Variants in SAE1 observed in about 807,000 individuals in gnomAD.
The protein encoded by SAE1 is SUMO-activating enzyme subunit 1.
A neutral mutation model predicts 40.6 loss-of-function variants in SAE1; 11 were observed. That is an observed-to-expected ratio of 0.27 (90% confidence interval 0.17 to 0.45). SAE1 has a LOEUF of 0.45. Among genes scored for constraint, SAE1 ranks in the 20% least tolerant of loss-of-function variants. SAE1 has a pLI of 1.00. For synonymous variants in SAE1, 155 were observed against 154.3 expected (o/e 1.00, Z -0.03); for missense variants, 373 against 427.3 (o/e 0.87, Z 1.12).
rs1293101346 is a variant in SAE1 at position 47,189,929 on chromosome 19, A to AT, written c.734-7303dup. Among the ~76,000 whole-genome samples the AT allele has an allele frequency of 3.9e-5, 6 of 152,370 alleles. No homozygotes were observed. In the East Asian group the frequency reaches 1.2e-3, roughly 29 times the overall value. On this transcript the variant is annotated intron_variant, in intron 6 of 8. Transcript: ENST00000270225. ...CCCGTTATAGCGCTAACCTGATGTT[A>AT]TGAACTGAGATTAAATTTGAATTTG...
At chr19:47,182,494 TGTGCGCGCACGCACGC>T (rs1054166023) in intron 6 of SAE1, among the ~76,000 whole-genome samples, 23 of 137,398 alleles carry the variant, frequency 1.7e-4, no homozygotes, top group African/African-American at 4.6e-4. Context: ...TGTGTGTGTG[TGTGCGCGCACGCACGC>T]GCGCGCGCAC....
At chr19:47,140,844 A>T (rs1039572359) in intron 1 of SAE1, among the ~76,000 whole-genome samples, 1 of 151,816 alleles carries the variant, frequency 6.6e-6, no homozygotes, top group Admixed American at 6.6e-5. Context: ...GCAGTTGAGT[A>T]TTTAATTTAA....
At chr19:47,131,319 C>T (rs1191193996) in intron 1 of SAE1, among the ~76,000 whole-genome samples, 1 of 151,650 alleles carries the variant, frequency 6.6e-6, no homozygotes, top group Non-Finnish European at 1.5e-5. Flanking sequence ...GGCCCGAAAG[C>T]GGTGATTGTG....
At chr19:47,202,869 C>A (rs1019225240) in intron 7 of SAE1, among the ~76,000 whole-genome samples, 3 of 152,090 alleles carry the variant, frequency 2.0e-5, no homozygotes, top group Non-Finnish European at 4.4e-5. Flanking sequence ...AAGATCGCGC[C>A]ACTGCACTCC....
At chr19:47,173,360 C>A (rs1394956239) in intron 6 of SAE1, among the ~76,000 whole-genome samples, 1 of 152,156 alleles carries the variant, frequency 6.6e-6, no homozygotes, top group African/African-American at 2.4e-5. Context: ...GCTACTGTTT[C>A]TTCCTCAACC....
rs543808907 is a variant in SAE1, at chr19:47,143,651, C to T, written c.210+46C>T. The T allele has an allele frequency of 5.6e-6, 8 of 1,419,102 alleles. No homozygotes were observed. The African/African-American group carries it at 7.0e-5, about 12-fold the overall frequency. The allele number at this position is 1,419,102 out of a possible 1,614,324, so 87.9% of individuals were successfully genotyped here. On this transcript the variant is annotated intron_variant, in intron 2 of 8. Transcript: ENST00000270225. ...TCCTCCCCTGCTCTGGCTCCCCTTT[C>T]CAGCATGAAGATCTGCAGATTTTGT...
At chr19:47,158,182 G>A (rs2058335583) in intron 5 of SAE1, among the ~76,000 whole-genome samples, 1 of 152,122 alleles carries the variant, frequency 6.6e-6, no homozygotes, top group African/African-American at 2.4e-5. Context: ...TTTAACCAAA[G>A]GTTGTAAAGC....
chr19:47,157,637 G>A (rs1288137617), intron 5 of SAE1, among the ~76,000 whole-genome samples: 1 of 152,218 alleles, frequency 6.6e-6, no homozygotes, highest in Admixed American at 6.5e-5. Context: ...GAGAATGTGG[G>A]CAGCCCAGGC....
At chr19:47,201,883 T>C (rs369251904) in intron 7 of SAE1, among the ~76,000 whole-genome samples, 2 of 152,164 alleles carry the variant, frequency 1.3e-5, no homozygotes, top group Admixed American at 6.6e-5. Context: ...TCCACCCGCC[T>C]TGGCCTCCCA....
intron 1 of SAE1, among the ~76,000 whole-genome samples, chr19:47,132,719 T>A (rs2058153822): frequency 6.6e-6 from 1 of 151,686 alleles, no homozygotes; most frequent in Non-Finnish European, 1.5e-5. Context: ...AAACCCAGTC[T>A]CTACAAAAAA....
In SAE1 at chr19:47,143,473, TTAA is replaced by T. The variant is rs1480398532; in HGVS notation, c.99-20_99-18del. The T allele has an allele frequency of 2.5e-6, 4 of 1,576,226 alleles. No homozygotes were observed. Among genetic ancestry groups the T allele is most frequent in the Non-Finnish European group, 3.5e-6 (4 of 1,145,530 alleles). ...AAGCTCACTGTTCTGTATCATCAGG[TTAA>T]CAATGTTTGTCTTACAGGCTGCGGG... On this transcript the variant is annotated intron_variant, in intron 1 of 8. Transcript: ENST00000270225.
chr19:47,185,054 G>A (rs548998797), intron 6 of SAE1, among the ~76,000 whole-genome samples: 60 of 151,136 alleles, frequency 4.0e-4, no homozygotes, highest in Non-Finnish European at 7.2e-4. Flanking sequence ...TCCTGACCTC[G>A]GGTGATCCAC....
intron 2 of SAE1, among the ~76,000 whole-genome samples, chr19:47,149,593 A>G (rs927865228): frequency 1.3e-5 from 2 of 152,158 alleles, no homozygotes; most frequent in African/African-American, 4.8e-5. Flanking sequence ...TGCCACTGTT[A>G]ATCAGTCATT....
chr19:47,150,620 C>G (rs965672846), intron 3 of SAE1, among the ~76,000 whole-genome samples: 1 of 152,194 alleles, frequency 6.6e-6, no homozygotes, highest in Non-Finnish European at 1.5e-5. Context: ...GGCTTCTTCT[C>G]TGGGCATATG....
chr19:47,197,204 A>T (rs1185057276), intron 6 of SAE1, 29 bp from the exon 7 acceptor site: 3 of 1,568,782 alleles, frequency 1.9e-6, no homozygotes. Flanking sequence ...AAGTGGCTTT[A>T]TAACCTGCCT....
intron 8 of SAE1, among the ~76,000 whole-genome samples, chr19:47,204,187 CTTTTTTTTTTTTTT>C (rs57736880): frequency 4.9e-5 from 4 of 82,102 alleles, no homozygotes; most frequent in Non-Finnish European, 6.5e-5. Context: ...AAAGCCCTCC[CTTTTTTTTTTTTTT>C]TTTTTTTTTT....
chr19:47,146,744 C>T (rs2058257298), intron 2 of SAE1, among the ~76,000 whole-genome samples: 1 of 152,164 alleles, frequency 6.6e-6, no homozygotes, highest in Non-Finnish European at 1.5e-5. Flanking sequence ...ACTCCAGAGC[C>T]CATGTTCTCA....
chr19:47,205,309 T>C (rs1002072101), intron 8 of SAE1, among the ~76,000 whole-genome samples: 1 of 145,684 alleles, frequency 6.9e-6, no homozygotes, highest in African/African-American at 2.6e-5. Context: ...CACACCGTTT[T>C]CCTAAGGCTA....
At chr19:47,166,340 T>C (rs77749070) in intron 5 of SAE1, among the ~76,000 whole-genome samples, 24 of 152,228 alleles carry the variant, frequency 1.6e-4, no homozygotes, top group African/African-American at 5.8e-4. Flanking sequence ...AGTGTGAAAA[T>C]TTCAAATTTG....
Sources: gnomAD v4.1 joint callset for allele counts (sites outside exome capture counted in the v4.1 genomes callset) on GRCh38, gnomAD v4.1.1 for gene constraint, MANE v1.5 for transcripts, NCBI Gene and HGNC (gene_info 2026-07-23, HGNC 2026-07-21) for gene names.